SLC44A5: variants seen among roughly 807,000 people sequenced by gnomAD.
SLC44A5 encodes solute carrier family 44 member 5, also known as choline transporter-like protein 5.
In SLC44A5, 57 loss-of-function variants were observed where a neutral mutation model predicts 101.8. The observed-to-expected ratio is 0.56, with a 90% CI of 0.45 to 0.70. The LOEUF (loss-of-function observed/expected upper bound fraction) is 0.70. Among genes scored for constraint, SLC44A5 ranks in the 30% least tolerant of loss-of-function variants. The pLI is 0.00. For missense variants in SLC44A5, 737 were observed against 853.1 expected, an observed-to-expected ratio of 0.86 and a Z score of 1.70; for synonymous variants, 281 against 290.9, an observed-to-expected ratio of 0.97 and a Z score of 0.35.
chr1:75,662,594 T>C, the SLC44A5 span, among the ~76,000 whole-genome samples: 1 of 152,136 alleles, frequency 6.6e-6, no homozygotes, highest in Non-Finnish European at 1.5e-5. Context: ...ACATATTGTA[T>C]GCATGTATCA....
intron 2 of SLC44A5, among the ~76,000 whole-genome samples, chr1:75,482,417 T>C (rs1667923867): frequency 6.6e-6 from 1 of 151,810 alleles, no homozygotes; most frequent in Non-Finnish European, 1.5e-5. Flanking sequence ...ACTTAAAGTA[T>C]AATAATAATA....
intron 1 of SLC44A5, among the ~76,000 whole-genome samples, chr1:75,547,450 G>C (rs962751455): frequency 6.6e-6 from 1 of 152,150 alleles, no homozygotes; most frequent in African/African-American, 2.4e-5. Flanking sequence ...AATTGTAACA[G>C]GAGATGAAAC....
Position 75,436,427 on chromosome 1 carries a change from T to C in SLC44A5, c.14-39806A>G, listed in dbSNP as rs950279463. On this transcript the variant is annotated intron_variant, in intron 2 of 23. Transcript: ENST00000370859. ...TTGGTAACACAATAGTAAATATTCA[T>C]GTATGTAAAAATATCTAAACAGAAA... Among the ~76,000 whole-genome samples the C allele has an allele frequency of 6.6e-5, 10 of 152,272 alleles. No individual in the cohort carries two copies. The South Asian group carries it at 1.7e-3, about 25-fold the overall frequency.
intron 4 of SLC44A5, among the ~76,000 whole-genome samples, chr1:75,333,906 T>C (rs565575308): frequency 6.6e-5 from 10 of 152,312 alleles, no homozygotes; most frequent in Non-Finnish European, 1.5e-4. Context: ...GTAGTCACAC[T>C]TGAGTTCTTT....
chr1:75,266,712 T>G (rs1651020661), intron 6 of SLC44A5, among the ~76,000 whole-genome samples: 1 of 152,234 alleles, frequency 6.6e-6, no homozygotes, highest in South Asian at 2.1e-4. Flanking sequence ...TCTCATTCAT[T>G]TAACAATGAA....
the SLC44A5 span, among the ~76,000 whole-genome samples, chr1:75,625,105 T>TCA: frequency 6.6e-6 from 1 of 152,062 alleles, no homozygotes; most frequent in African/African-American, 2.4e-5. Context: ...GCATCATCTC[T>TCA]CACTTACTTG....
intron 3 of SLC44A5, among the ~76,000 whole-genome samples, chr1:75,363,157 T>C (rs1327540557): frequency 6.6e-6 from 1 of 152,074 alleles, no homozygotes; most frequent in African/African-American, 2.4e-5. Flanking sequence ...GGATATCTTT[T>C]TCTATCTTTT....
chr1:75,272,286 A>G (rs1297340019), intron 6 of SLC44A5, among the ~76,000 whole-genome samples: 1 of 136,648 alleles, frequency 7.3e-6, no homozygotes, highest in Non-Finnish European at 1.6e-5. Context: ...CTGCTTATTT[A>G]TTTTGCTGAG....
intron 1 of SLC44A5, among the ~76,000 whole-genome samples, chr1:75,592,834 A>T (rs1674426547): frequency 6.6e-6 from 1 of 152,146 alleles, no homozygotes; most frequent in Non-Finnish European, 1.5e-5. Flanking sequence ...CACCATACAC[A>T]CAAATCAAAT....
In SLC44A5 at chr1:75,261,182, C is replaced by T. The variant is rs191679827; in HGVS notation, c.261-9888G>A. Among the ~76,000 whole-genome samples, 244 of 152,106 alleles carry T rather than the reference C, an allele frequency of 1.6e-3. 1 individual carries two copies. Among genetic ancestry groups the T allele is most frequent in the African/African-American group, 5.5e-3 (230 of 41,470 alleles). On this transcript the variant is annotated intron_variant, in intron 6 of 23. Transcript: ENST00000370859. Reference sequence around the variant, plus strand: ...AGAAATTACTAAGATCAGAGCAGAACGGAAGGGCACAGAGACACAAAAAAC... The same window carrying T: ...AGAAATTACTAAGATCAGAGCAGAATGGAAGGGCACAGAGACACAAAAAAC...
intron 6 of SLC44A5, among the ~76,000 whole-genome samples, chr1:75,271,494 G>GTTTTTTTTTTTTTTTT (rs1160786422): frequency 1.2e-4 from 5 of 42,576 alleles, no homozygotes; most frequent in African/African-American, 4.5e-4. Flanking sequence ...CACTCTGCAT[G>GTTTTTTTTTTTTTTTT]TTTTGTGTGT....
chr1:75,451,319 G>A (rs147904305), intron 2 of SLC44A5, among the ~76,000 whole-genome samples: 6 of 152,198 alleles, frequency 3.9e-5, no homozygotes, highest in South Asian at 2.1e-4. Flanking sequence ...CATGTTAGCC[G>A]CAGCCAATTC....
At chr1:75,451,806 T>TA (rs934536708) in intron 2 of SLC44A5, among the ~76,000 whole-genome samples, 3 of 151,920 alleles carry the variant, frequency 2.0e-5, no homozygotes, top group African/African-American at 7.2e-5. Flanking sequence ...AAAATTTTTT[T>TA]AAAAAAAATT....
At chr1:75,536,223 T>C (rs1294162050) in intron 2 of SLC44A5, among the ~76,000 whole-genome samples, 1 of 152,146 alleles carries the variant, frequency 6.6e-6, no homozygotes, top group Non-Finnish European at 1.5e-5. Context: ...CTTTTCTCTT[T>C]TTAAAAATAA....
At chr1:75,515,015 G>A (rs774234305) in intron 2 of SLC44A5, among the ~76,000 whole-genome samples, 5 of 151,974 alleles carry the variant, frequency 3.3e-5, no homozygotes, top group Non-Finnish European at 7.4e-5. Flanking sequence ...AATACATCTC[G>A]GCAATATTAA....
chr1:75,620,689 C>A, the SLC44A5 span, among the ~76,000 whole-genome samples: 13 of 151,890 alleles, frequency 8.6e-5, no homozygotes, highest in Admixed American at 8.5e-4. Flanking sequence ...TTGTTTTTTT[C>A]TTGTAGATTT....
At chr1:75,596,337 C>T (rs374175580) in intron 1 of SLC44A5, among the ~76,000 whole-genome samples, 34 of 152,120 alleles carry the variant, frequency 2.2e-4, no homozygotes, top group African/African-American at 8.0e-4. Context: ...GAAGTTGCAC[C>T]AGACAGATTC....
chr1:75,702,366 C>T, the SLC44A5 span, among the ~76,000 whole-genome samples: 5 of 152,132 alleles, frequency 3.3e-5, no homozygotes, highest in Non-Finnish European at 1.5e-5. Context: ...ATATCTACAA[C>T]CATCTGATCT....
intron 1 of SLC44A5, among the ~76,000 whole-genome samples, chr1:75,577,777 C>T (rs1033346185): frequency 6.6e-6 from 1 of 152,128 alleles, no homozygotes; most frequent in African/African-American, 2.4e-5. Flanking sequence ...TCCCCATATC[C>T]TATTGTGTAC....
Sources: allele counts gnomAD v4.1 joint callset (sites outside exome capture counted in the v4.1 genomes callset), GRCh38; gene constraint gnomAD v4.1.1; transcripts MANE v1.5; gene names NCBI Gene and HGNC (gene_info 2026-07-23, HGNC 2026-07-21).